Variants in CBFA2T3 observed in about 807,000 individuals in gnomAD.
The protein encoded by CBFA2T3 is transcriptional corepressor CBFA2T3.
Under a neutral mutation model 58.6 loss-of-function variants are expected in CBFA2T3, and 31 were observed. The ratio of observed to expected loss-of-function variants is 0.53; its 90% CI spans 0.40 to 0.71. The LOEUF (loss-of-function observed/expected upper bound fraction) is 0.71. Ranked by LOEUF, CBFA2T3 falls within the 30% of genes least tolerant of loss-of-function variation. The pLI, the probability that CBFA2T3 is intolerant of heterozygous loss-of-function variation, is 0.00. For synonymous variants in CBFA2T3, 531 were observed against 421.9 expected, an observed-to-expected ratio of 1.26 and a Z score of -3.17; for missense variants, 1,076 against 963.1, an observed-to-expected ratio of 1.12 and a Z score of -1.55.
At chr16:88,940,742 C>G (rs1343792315) in intron 1 of CBFA2T3, among the ~76,000 whole-genome samples, 1 of 152,190 alleles carries the variant, frequency 6.6e-6, no homozygotes, top group South Asian at 2.1e-4. Flanking sequence ...TTAGGAAAAC[C>G]GGGCGGCCCC....
At position 88,876,918 on chromosome 16, in the gene CBFA2T3, C is replaced by G. The variant is rs1968852758; in HGVS notation, c.*58G>C. 3.9e-6 allele frequency: 5 copies of G among 1,289,988 alleles called. No homozygotes were observed. Among genetic ancestry groups the G allele is most frequent in the South Asian group, 1.7e-5 (1 of 58,876 alleles). The allele number at this position is 1,289,988 out of a possible 1,614,324, so 79.9% of individuals were successfully genotyped here. On this transcript the variant is annotated 3_prime_UTR_variant, in exon 12 of 12. Coordinates refer to ENST00000268679, the MANE Select transcript of CBFA2T3 (RefSeq NM_005187.6). ...GAGGCCAGGCACAGCATCCGGTGGG[C>G]CTGGAGCTGGGTGGGGTTGGCACGG...
intron 7 of CBFA2T3, among the ~76,000 whole-genome samples, chr16:88,883,048 T>A (rs1969192694): frequency 6.6e-6 from 1 of 152,108 alleles, no homozygotes; most frequent in South Asian, 2.1e-4. Context: ...TGAGGCTGGT[T>A]AAGAGGATGT....
intron 1 of CBFA2T3, among the ~76,000 whole-genome samples, chr16:88,916,985 A>T (rs912060359): frequency 6.6e-6 from 1 of 150,908 alleles, no homozygotes; most frequent in African/African-American, 2.4e-5. Flanking sequence ...GAGGCAGGAG[A>T]TTCGCTTGAA....
At chr16:88,896,562 G>C (rs951489587) in intron 3 of CBFA2T3, among the ~76,000 whole-genome samples, 1 of 152,094 alleles carries the variant, frequency 6.6e-6, no homozygotes, top group Non-Finnish European at 1.5e-5. Flanking sequence ...TCAATGGTGA[G>C]CTCCATGTGG....
chr16:88,964,215 G>C (rs1311345589), intron 1 of CBFA2T3, among the ~76,000 whole-genome samples: 1 of 152,224 alleles, frequency 6.6e-6, no homozygotes, highest in East Asian at 1.9e-4. Context: ...CCAATTCATG[G>C]GTTGCCTCTC....
At chr16:88,903,014 G>A (rs1970160680) in intron 1 of CBFA2T3, among the ~76,000 whole-genome samples, 1 of 152,148 alleles carries the variant, frequency 6.6e-6, no homozygotes, top group Admixed American at 6.5e-5. Flanking sequence ...ACAGCCTGGG[G>A]CATGAAACAG....
In CBFA2T3 at chr16:88,891,527, C is replaced by G. The variant is rs1255854668; in HGVS notation, c.711+355G>C. The stretch of plus-strand genomic sequence containing the variant: ...CCTTGCCCCCACACTGGCACGTCGT[C>G]AGTGCTCAAAAATCACCCGTGGAGT... On this transcript the variant is annotated intron_variant, in intron 5 of 11. Transcript: ENST00000268679. Among the ~76,000 whole-genome samples the G allele has an allele frequency of 2.0e-5, 3 of 152,214 alleles. No homozygotes were observed. The East Asian group carries it at 5.8e-4, about 29-fold the overall frequency.
Position 88,882,852 on chromosome 16 carries a change from C to T in CBFA2T3, c.1118-91G>A, listed in dbSNP as rs979805908. 4 of 899,028 alleles carry T rather than the reference C, an allele frequency of 4.4e-6. 1 individual carries two copies. Among genetic ancestry groups the T allele is most frequent in the South Asian group, 4.2e-5 (3 of 70,632 alleles). The allele number at this position is 899,028 out of a possible 1,614,324, so 55.7% of individuals were successfully genotyped here. On this transcript the variant is annotated intron_variant, in intron 7 of 11. Transcript: ENST00000268679. ...CCCCGCCCTCTGCTCCCAGGCCCCA[C>T]CCGTGGGCTGTGCCCGCTGGGGACG...
chr16:88,910,119 C>A (rs944625459), intron 1 of CBFA2T3, among the ~76,000 whole-genome samples: 3 of 152,242 alleles, frequency 2.0e-5, no homozygotes, highest in Non-Finnish European at 4.4e-5. Flanking sequence ...TACCCCACAC[C>A]CGCCTGTGCT....
intron 1 of CBFA2T3, chr16:88,940,129 G>A (rs1023776005): frequency 7.1e-5 from 11 of 154,082 alleles, no homozygotes; most frequent in African/African-American, 2.4e-4. Context: ...TCTTTTCAAG[G>A]GAAAGGTTTT....
At chr16:88,893,077 T>G (rs1969713691) in intron 3 of CBFA2T3, among the ~76,000 whole-genome samples, 1 of 152,044 alleles carries the variant, frequency 6.6e-6, no homozygotes, top group African/African-American at 2.4e-5. Context: ...ACTTGGAAAA[T>G]GAGAAGTCGC....
intron 1 of CBFA2T3, among the ~76,000 whole-genome samples, chr16:88,926,470 G>T (rs1321803890): frequency 6.6e-6 from 1 of 152,220 alleles, no homozygotes; most frequent in Non-Finnish European, 1.5e-5. Context: ...GGTCGAGGCT[G>T]AGCGACCTCT....
At chr16:88,877,582 A>G (rs1254233358) in intron 11 of CBFA2T3, among the ~76,000 whole-genome samples, 1 of 152,120 alleles carries the variant, frequency 6.6e-6, no homozygotes, top group African/African-American at 2.4e-5. Context: ...CCAAAACCGC[A>G]AAACCAAAGG....
chr16:88,933,325 C>G (rs1337127010), intron 1 of CBFA2T3, among the ~76,000 whole-genome samples: 2 of 132,322 alleles, frequency 1.5e-5, no homozygotes, highest in African/African-American at 5.8e-5. Context: ...ACACGCCTCA[C>G]AGTGCCACAC....
At chr16:88,974,267 G>A (rs559447777) in intron 1 of CBFA2T3, among the ~76,000 whole-genome samples, 4 of 152,274 alleles carry the variant, frequency 2.6e-5, no homozygotes, top group East Asian at 1.9e-4. Flanking sequence ...CACACACAGC[G>A]GGCGCCTCGT....
intron 2 of CBFA2T3, among the ~76,000 whole-genome samples, chr16:88,901,086 G>A (rs893842726): frequency 3.3e-4 from 50 of 152,366 alleles, no homozygotes; most frequent in African/African-American, 1.0e-3. Context: ...ATGACCCTGC[G>A]GAAGCCCCTG....
intron 2 of CBFA2T3, among the ~76,000 whole-genome samples, chr16:88,900,401 C>T (rs753527848): frequency 1.3e-5 from 2 of 152,264 alleles, no homozygotes; most frequent in Admixed American, 6.5e-5. Flanking sequence ...ATGGCCAAAG[C>T]CCTCGGCGGA....
At chr16:88,915,311 G>T (rs1389237200) in intron 1 of CBFA2T3, among the ~76,000 whole-genome samples, 1 of 128,506 alleles carries the variant, frequency 7.8e-6, no homozygotes, top group Non-Finnish European at 1.7e-5. Context: ...CCTGCTCTGG[G>T]TCTGCCTATC....
chr16:88,891,813 T>A, intron 5 of CBFA2T3, 69 bp downstream of exon 5: 1 of 1,093,520 alleles, frequency 9.1e-7, no homozygotes, highest in Non-Finnish European at 1.4e-6. Context: ...CTGTCCACGC[T>A]GGCAAGGAGT....
Sources: allele counts gnomAD v4.1 joint callset (sites outside exome capture counted in the v4.1 genomes callset), GRCh38; gene constraint gnomAD v4.1.1; transcripts MANE v1.5; gene names NCBI Gene and HGNC (gene_info 2026-07-23, HGNC 2026-07-21).